MCMBP: variants seen among roughly 807,000 people sequenced by gnomAD.
MCMBP encodes mini-chromosome maintenance complex-binding protein.
In MCMBP, 31 loss-of-function variants were observed where a neutral mutation model predicts 81.3. The observed-to-expected ratio is 0.38, with a 90% CI of 0.29 to 0.51. MCMBP has a LOEUF of 0.51. Among genes scored for constraint, MCMBP ranks in the 20% least tolerant of loss-of-function variants. The pLI, the probability that MCMBP is intolerant of heterozygous loss-of-function variation, is 0.87. For synonymous variants in MCMBP, 267 were observed against 275.9 expected (o/e 0.97, Z 0.32); for missense variants, 645 against 772.1 (o/e 0.84, Z 1.95).
chr10:119,841,395 T>C (rs1287862396), intron 10 of MCMBP, among the ~76,000 whole-genome samples: 1 of 152,206 alleles, frequency 6.6e-6, no homozygotes, highest in Non-Finnish European at 1.5e-5. Flanking sequence ...AGATAAGATT[T>C]ACAGCACAAA....
intron 9 of MCMBP, 77 bp from the exon 10 acceptor site, chr10:119,842,672 C>G: frequency 6.7e-7 from 1 of 1,501,040 alleles, no homozygotes; most frequent in South Asian, 1.3e-5. Flanking sequence ...AAAATAACTA[C>G]GTGAGCAAAG....
intron 6 of MCMBP, among the ~76,000 whole-genome samples, chr10:119,852,683 CACAA>C (rs946011235): frequency 6.6e-5 from 10 of 152,082 alleles, no homozygotes; most frequent in African/African-American, 1.9e-4. Flanking sequence ...TGTCTCAAAA[CACAA>C]ACAAACAAGA....
intron 15 of MCMBP, among the ~76,000 whole-genome samples, 173 bp from the exon 16 acceptor site, chr10:119,831,773 AAG>A (rs1309337847): frequency 1.3e-5 from 2 of 152,250 alleles, no homozygotes; most frequent in African/African-American, 4.8e-5. Flanking sequence ...GAAATCGTTG[AAG>A]AGTCAGAATT....
chr10:119,865,629 C>G (rs1323878218), intron 1 of MCMBP, among the ~76,000 whole-genome samples: 1 of 152,066 alleles, frequency 6.6e-6, no homozygotes, highest in Non-Finnish European at 1.5e-5. Context: ...TGGGAAAGAA[C>G]CAAAAAGCTT....
In MCMBP at chr10:119,855,954, A is replaced by C. The variant is rs564329707; in HGVS notation, c.429+1384T>G. Among the ~76,000 whole-genome samples, 23 of 152,214 alleles carry C rather than the reference A, an allele frequency of 1.5e-4. No individual in the cohort carries two copies. The South Asian group carries it at 2.5e-3, about 16-fold the overall frequency. On this transcript the variant is annotated intron_variant, in intron 5 of 15. Transcript: ENST00000369077. ...CTCAAAATATCTGTTAAAAAACTGA[A>C]TTAGTCACTCCTGTAATCCCAGCAC... is the stretch of plus-strand genomic sequence containing the variant.
At chr10:119,846,982 T>C (rs570684993) in intron 8 of MCMBP, among the ~76,000 whole-genome samples, 1 of 152,096 alleles carries the variant, frequency 6.6e-6, no homozygotes, top group Non-Finnish European at 1.5e-5. Context: ...CTCTAGTTAT[T>C]TAGGTTTATG....
Position 119,859,822 on chromosome 10 carries a change from T to C in MCMBP, c.121A>G (p.Lys41Glu), listed in dbSNP as rs760021855. 3 of 1,613,468 alleles carry C rather than the reference T, an allele frequency of 1.9e-6. No individual in the cohort carries two copies. The South Asian group carries it at 3.3e-5, about 18-fold the overall frequency. The change falls in exon 2 of 16, where the codon AAG becomes GAG. Residue 41 changes from lysine (K) to glutamate (E), a missense_variant. Lys to Glu is a moderately conservative substitution (Grantham distance 56). Coordinates refer to ENST00000369077, the MANE Select transcript of MCMBP (RefSeq NM_001256378.2). ...ACCCACTTAGGAGCATTATTTTCCT[T>C]CAGCTTTTCCTTAAAATACTCAATT... ...KVIEYFKEKL[K>E]ENNAPKWVPS...
At chr10:119,838,427 CGTT>C in intron 12 of MCMBP, 105 bp downstream of exon 12, 1 of 1,023,574 alleles carries the variant, frequency 9.8e-7, no homozygotes, top group Non-Finnish European at 1.4e-6. Flanking sequence ...CTTTATCTTA[CGTT>C]GTTAAATGTG....
rs1359248561 is a variant in MCMBP, at chr10:119,830,268, A to G, written c.*1206T>C. On this transcript the variant is annotated 3_prime_UTR_variant, in exon 16 of 16. Coordinates refer to ENST00000369077, the MANE Select transcript of MCMBP (RefSeq NM_001256378.2). Reference sequence around the variant, plus strand: ...CCTCCAACTAGGTAAGTTATTTGATACCACTGACAGCTTAAAAAGTAATGT... The same window carrying G: ...CCTCCAACTAGGTAAGTTATTTGATGCCACTGACAGCTTAAAAAGTAATGT... 6.6e-6 allele frequency: 1 copy of G among 152,642 alleles called. No individual in the cohort carries two copies. Among genetic ancestry groups the G allele is most frequent in the Non-Finnish European group, 1.5e-5 (1 of 68,036 alleles). The allele number at this position is 152,642 out of a possible 1,614,324, so 9.5% of individuals were successfully genotyped here. A position where few individuals can be genotyped will look rare whatever the true frequency, so the allele number is the denominator to read the frequency against.
Position 119,843,342 on chromosome 10 carries a change from C to G in MCMBP, c.912G>C (p.Val304=), listed in dbSNP as rs762610274. Residue 304 remains valine, a synonymous_variant, in exon 9 of 16, where the codon GTG becomes GTC. Transcript: ENST00000369077. The part of the protein sequence containing the change: ...QRVHSPPASL[V]PRIHVILAQK... Reference sequence around the variant, plus strand: ...GGGCTAAGATCACATGAATTCTCGGCACTAATGAAGCAGGAGGACTGTGTA... The same window carrying G: ...GGGCTAAGATCACATGAATTCTCGGGACTAATGAAGCAGGAGGACTGTGTA... 1 of 1,614,080 alleles carries G rather than the reference C, an allele frequency of 6.2e-7. No individual in the cohort carries two copies. The highest frequency in any genetic ancestry group is 2.2e-5 in the East Asian group (1 of 44,876).
intron 6 of MCMBP, among the ~76,000 whole-genome samples, chr10:119,852,004 T>C (rs1852840320): frequency 6.6e-6 from 1 of 151,690 alleles, no homozygotes; most frequent in African/African-American, 2.4e-5. Context: ...AATACAAAAT[T>C]AGCCAGGCGT....
rs143721506 is a variant in MCMBP at position 119,859,784 on chromosome 10, T to C, written c.144+15A>G. The C allele has an allele frequency of 3.8e-4, 606 of 1,586,802 alleles. 4 individuals are homozygous for C. In the Middle Eastern group the frequency reaches 4.3e-3, roughly 11 times the overall value. On this transcript the variant is annotated intron_variant, in intron 2 of 15. Coordinates refer to ENST00000369077, the MANE Select transcript of MCMBP (RefSeq NM_001256378.2). ...TCTGTCCAACCCTCTCCCTCGAAAA[T>C]AGCAATAAGCTTACCCACTTAGGAG...
At chr10:119,862,215 GAGA>G (rs1464122804) in intron 1 of MCMBP, among the ~76,000 whole-genome samples, 7 of 152,174 alleles carry the variant, frequency 4.6e-5, no homozygotes, top group Non-Finnish European at 8.8e-5. Context: ...GCTGAGGCAG[GAGA>G]ATCGCTTGAA....
chr10:119,849,791 CT>C (rs971543871), intron 6 of MCMBP, among the ~76,000 whole-genome samples: 15 of 151,430 alleles, frequency 9.9e-5, no homozygotes, highest in Middle Eastern at 3.4e-3. Context: ...AAAAATTTTA[CT>C]TTTTTTTCCC....
intron 8 of MCMBP, among the ~76,000 whole-genome samples, chr10:119,847,194 A>C (rs1168409492): frequency 6.6e-6 from 1 of 152,166 alleles, no homozygotes; most frequent in Non-Finnish European, 1.5e-5. Flanking sequence ...AGAATGAGCG[A>C]GCTTCTGAAC....
chr10:119,844,972 C>T (rs553048320), intron 8 of MCMBP, among the ~76,000 whole-genome samples: 13 of 152,294 alleles, frequency 8.5e-5, no homozygotes, highest in Non-Finnish European at 1.6e-4. Context: ...CTTCCTTGCT[C>T]CCCAGCCTAT....
chr10:119,848,481 T>C (rs370012306), intron 7 of MCMBP, among the ~76,000 whole-genome samples: 7 of 150,670 alleles, frequency 4.6e-5, no homozygotes, highest in African/African-American at 1.7e-4. Context: ...GGTGTGGTGG[T>C]GCATGCCTGT....
chr10:119,842,432 C>A, intron 10 of MCMBP, 40 bp downstream of exon 10: 1 of 1,585,858 alleles, frequency 6.3e-7, no homozygotes, highest in Non-Finnish European at 8.6e-7. Flanking sequence ...CTTCCACACA[C>A]ACCAAACTCC....
Position 119,832,219 on chromosome 10 carries a change from G to C in MCMBP, c.1708-119C>G, listed in dbSNP as rs148669709. ...GCCTCTTAGACAAAGGAGGCAATAT[G>C]GGTGAAAGTACCAAAGCATATACAT... On this transcript the variant is annotated intron_variant, in intron 14 of 15. Transcript: ENST00000369077. 354 of 714,214 alleles carry C rather than the reference G, an allele frequency of 5.0e-4. 1 individual carries two copies. In the African/African-American group the frequency reaches 6.0e-3, roughly 12 times the overall value. The allele number at this position is 714,214 out of a possible 1,614,324, so 44.2% of individuals were successfully genotyped here. A position where few individuals can be genotyped will look rare whatever the true frequency, so the allele number is the denominator to read the frequency against.
Sources: allele counts gnomAD v4.1 joint callset (sites outside exome capture counted in the v4.1 genomes callset), GRCh38; gene constraint gnomAD v4.1.1; transcripts MANE v1.5; gene names NCBI Gene and HGNC (gene_info 2026-07-23, HGNC 2026-07-21).